The following GALNT18 variants were observed in gnomAD, a reference collection of about 807,000 sequenced individuals.
GALNT18 encodes polypeptide N-acetylgalactosaminyltransferase 18.
Under a neutral mutation model 69.5 loss-of-function variants are expected in GALNT18, and 44 were observed. The observed-to-expected ratio is 0.63, with a 90% confidence interval of 0.50 to 0.81. GALNT18 has a LOEUF of 0.81. GALNT18 is among the 40% of genes least tolerant of loss of function. The probability of loss-of-function intolerance (pLI) is 0.00; values close to 1 mark genes in which losing one functional copy is unlikely to be tolerated. For synonymous variants in GALNT18, 364 were observed against 318.2 expected, an observed-to-expected ratio of 1.14 and a Z score of -1.53; for missense variants, 715 against 810.0, an observed-to-expected ratio of 0.88 and a Z score of 1.42.
chr11:11,498,593 G>T (rs1856914008), intron 1 of GALNT18, among the ~76,000 whole-genome samples: 1 of 152,220 alleles, frequency 6.6e-6, no homozygotes, highest in African/African-American at 2.4e-5. Flanking sequence ...GAGCTCAGGA[G>T]TTCGCAACCA....
intron 1 of GALNT18, among the ~76,000 whole-genome samples, chr11:11,550,191 C>T (rs1440615228): frequency 1.3e-5 from 2 of 152,174 alleles, no homozygotes; most frequent in African/African-American, 4.8e-5. Flanking sequence ...ACCAGTTGTC[C>T]CAGTCCAGGT....
At chr11:11,451,610 AT>A (rs1855801972) in intron 1 of GALNT18, among the ~76,000 whole-genome samples, 1 of 152,152 alleles carries the variant, frequency 6.6e-6, no homozygotes, top group East Asian at 1.9e-4. Context: ...GCGATAGGTC[AT>A]TTCCTTATCG....
chr11:11,362,506 C>T (rs1033573769), intron 6 of GALNT18, among the ~76,000 whole-genome samples: 4 of 152,034 alleles, frequency 2.6e-5, no homozygotes, highest in Admixed American at 6.5e-5. Flanking sequence ...AGACTAACAA[C>T]CCTATAGGAA....
In GALNT18 at chr11:11,605,293, C is replaced by T. The variant is rs1033282651; in HGVS notation, c.235+16066G>A. Among the ~76,000 whole-genome samples, 3 of 152,282 alleles carry T rather than the reference C, an allele frequency of 2.0e-5. No individual in the cohort carries two copies. The highest frequency in any genetic ancestry group is 4.4e-5 in the Non-Finnish European group (3 of 68,026). ...CAGGCTGCCCACCTTGACACCTGGG[C>T]CATCTCCTCAAGGGATTTCCACAGG... On this transcript the variant is annotated intron_variant, in intron 1 of 10. Coordinates refer to ENST00000227756, the MANE Select transcript of GALNT18 (RefSeq NM_198516.3). This position sits in a 1 kb window ranked among gnomAD's most constrained non-coding sequence, Gnocchi z 4.7.
At chr11:11,329,734 G>A (rs542297105) in intron 8 of GALNT18, among the ~76,000 whole-genome samples, 43 of 152,322 alleles carry the variant, frequency 2.8e-4, no homozygotes, top group Non-Finnish European at 5.1e-4. Flanking sequence ...GTCAACACTC[G>A]TGGAGTGGGT....
chr11:11,523,965 C>T lies in GALNT18; in HGVS notation c.236-75029G>A, dbSNP rs979672335. On this transcript the variant is annotated intron_variant, in intron 1 of 10. Transcript: ENST00000227756. This position sits in a 1 kb window ranked among gnomAD's most constrained non-coding sequence, Gnocchi z 4.3. ...CACTGCCAATACTGTGGATACTGGGCACTGCATTGCAGCTACCAGCACCCC... is the reference window on the plus strand; with the variant it reads ...CACTGCCAATACTGTGGATACTGGGTACTGCATTGCAGCTACCAGCACCCC... 2.0e-5 allele frequency among the ~76,000 whole-genome samples: 3 copies of T among 152,144 alleles called. No individual in the cohort carries two copies. Among genetic ancestry groups the T allele is most frequent in the Non-Finnish European group, 2.9e-5 (2 of 68,026 alleles).
intron 3 of GALNT18, among the ~76,000 whole-genome samples, chr11:11,381,592 C>G (rs904121962): frequency 4.6e-5 from 7 of 152,200 alleles, no homozygotes; most frequent in Admixed American, 1.3e-4. Flanking sequence ...GACCGTGACA[C>G]AGCAGGACAC....
At chr11:11,503,605 C>G (rs964335552) in intron 1 of GALNT18, among the ~76,000 whole-genome samples, 1 of 152,156 alleles carries the variant, frequency 6.6e-6, no homozygotes, top group African/African-American at 2.4e-5. Context: ...AGTAAGCTCC[C>G]AAGAAGCTGA....
At chr11:11,271,321 G>C (rs755946855) in intron 10 of GALNT18, 31 bp from the exon 11 acceptor site, 2 of 1,598,076 alleles carry the variant, frequency 1.3e-6, no homozygotes, top group Non-Finnish European at 1.7e-6. Context: ...TGGGGTCAGA[G>C]GGCATAGAGG....
At chr11:11,556,637 C>T (rs1266703449) in intron 1 of GALNT18, among the ~76,000 whole-genome samples, 2 of 152,252 alleles carry the variant, frequency 1.3e-5, no homozygotes, top group South Asian at 2.1e-4. Flanking sequence ...ACCAAACTTG[C>T]ATGATGCCAG....
At chr11:11,485,988 A>T (rs962201069) in intron 1 of GALNT18, among the ~76,000 whole-genome samples, 1 of 152,214 alleles carries the variant, frequency 6.6e-6, no homozygotes, top group Non-Finnish European at 1.5e-5. Context: ...GAATCTGCAG[A>T]CTATCAGCAC....
chr11:11,571,788 T>C (rs1310264939), intron 1 of GALNT18, among the ~76,000 whole-genome samples: 1 of 152,188 alleles, frequency 6.6e-6, no homozygotes, highest in Non-Finnish European at 1.5e-5. Flanking sequence ...AAAAAATTGG[T>C]GTGTGTTAAA....
chr11:11,323,488 G>A (rs1357999325), intron 9 of GALNT18, among the ~76,000 whole-genome samples: 1 of 152,218 alleles, frequency 6.6e-6, no homozygotes, highest in Non-Finnish European at 1.5e-5. Flanking sequence ...TTGGCTCAAT[G>A]CTCTGCCCTC....
In GALNT18 at chr11:11,418,925, T is replaced by G. The variant is rs114460289; in HGVS notation, c.595+13696A>C. On this transcript the variant is annotated intron_variant, in intron 3 of 10. Coordinates refer to ENST00000227756, the MANE Select transcript of GALNT18 (RefSeq NM_198516.3). ...GTTTTTAGGGCTGCCTGCCCCAAACTGCCCAATGCCCCTTAAGGGAAGCCC... is the reference window on the plus strand; with the variant it reads ...GTTTTTAGGGCTGCCTGCCCCAAACGGCCCAATGCCCCTTAAGGGAAGCCC... 8.7e-3 allele frequency among the ~76,000 whole-genome samples: 1,329 copies of G among 152,290 alleles called. 24 individuals are homozygous for G. The highest frequency in any genetic ancestry group is 0.03 in the African/African-American group (1,253 of 41,570).
intron 3 of GALNT18, among the ~76,000 whole-genome samples, chr11:11,392,897 G>A (rs1854228995): frequency 6.6e-6 from 1 of 152,210 alleles, no homozygotes; most frequent in Non-Finnish European, 1.5e-5. Flanking sequence ...TATAGCTAAG[G>A]AACAGTAGGT....
intron 6 of GALNT18, among the ~76,000 whole-genome samples, chr11:11,355,659 G>C (rs375312231): frequency 2.0e-5 from 3 of 152,200 alleles, no homozygotes; most frequent in Admixed American, 6.5e-5. Context: ...TTAAAATCAT[G>C]GTCTTACTAA....
chr11:11,326,041 CTTTT>C (rs34393732), intron 9 of GALNT18, among the ~76,000 whole-genome samples: 6 of 105,410 alleles, frequency 5.7e-5, no homozygotes, highest in African/African-American at 3.7e-5. Flanking sequence ...TGCTAAATAT[CTTTT>C]TTTTTTTTTT....
intron 10 of GALNT18, among the ~76,000 whole-genome samples, chr11:11,281,406 TG>T (rs1344717399): frequency 1.3e-5 from 2 of 152,028 alleles, no homozygotes; most frequent in African/African-American, 4.8e-5. Flanking sequence ...AGGATCAGGG[TG>T]GGGGCTGTGA....
intron 1 of GALNT18, among the ~76,000 whole-genome samples, chr11:11,506,338 G>A (rs1396190111): frequency 1.3e-5 from 2 of 152,186 alleles, no homozygotes; most frequent in Non-Finnish European, 2.9e-5. Flanking sequence ...TCACTTCACA[G>A]GTGGCTTCTT....
Sources: allele counts gnomAD v4.1 joint callset (sites outside exome capture counted in the v4.1 genomes callset), GRCh38; gene constraint gnomAD v4.1.1; non-coding constraint Gnocchi (gnomAD v3.1); transcripts MANE v1.5; gene names NCBI Gene and HGNC (gene_info 2026-07-23, HGNC 2026-07-21).